Variants in HDAC9 observed in about 807,000 individuals in gnomAD.
The protein encoded by HDAC9 is MEF-2 interacting transcription repressor (MITR) protein.
HDAC9 carries 41 observed loss-of-function variants against 139.4 expected under a neutral mutation model. The observed-to-expected ratio is 0.29, with a 90% CI of 0.23 to 0.38. HDAC9 has a LOEUF of 0.38. Ranked by LOEUF, HDAC9 falls within the 10% of genes least tolerant of loss-of-function variation. The probability of loss-of-function intolerance (pLI) is 1.00; values close to 1 mark genes in which losing one functional copy is unlikely to be tolerated. For synonymous variants in HDAC9, 517 were observed against 476.2 expected (o/e 1.09, Z -1.12); for missense variants, 1,147 against 1,297.0 (o/e 0.88, Z 1.78).
chr7:18,250,674 G>A (rs1467275183), intron 2 of HDAC9, among the ~76,000 whole-genome samples: 1 of 152,108 alleles, frequency 6.6e-6, no homozygotes, highest in African/African-American at 2.4e-5. Flanking sequence ...TTAAATTCTA[G>A]AGTGGTCTTT....
intron 1 of HDAC9, among the ~76,000 whole-genome samples, chr7:18,444,303 C>T (rs1352144396): frequency 7.3e-6 from 1 of 137,876 alleles, no homozygotes; most frequent in Non-Finnish European, 1.5e-5. Context: ...CATGCCAATG[C>T]TGCACTACAG....
At chr7:18,335,212 A>C (rs1585229295) in intron 1 of HDAC9, among the ~76,000 whole-genome samples, 1 of 151,502 alleles carries the variant, frequency 6.6e-6, no homozygotes, top group African/African-American at 2.4e-5. Flanking sequence ...CCTTGAAAAT[A>C]GGAAGAAGTG....
intron 22 of HDAC9, among the ~76,000 whole-genome samples, chr7:18,882,515 T>A (rs555043164): frequency 2.2e-4 from 34 of 152,132 alleles, no homozygotes; most frequent in African/African-American, 7.9e-4. Context: ...CCTTTAATTA[T>A]TAAACTGGAA....
intron 23 of HDAC9, 114 bp downstream of exon 23, chr7:18,936,056 C>G: frequency 1.0e-6 from 1 of 982,188 alleles, no homozygotes; most frequent in Non-Finnish European, 1.5e-6. Context: ...TTGCTCTTAC[C>G]ATTAAGAAAG....
intron 2 of HDAC9, among the ~76,000 whole-genome samples, chr7:18,234,837 T>A (rs552090706): frequency 1.3e-5 from 2 of 152,212 alleles, no homozygotes; most frequent in Admixed American, 1.3e-4. Context: ...TGGTAGCTTC[T>A]GAATTCAGGG....
chr7:18,185,271 AC>A (rs1332816117), intron 2 of HDAC9, among the ~76,000 whole-genome samples: 1 of 152,152 alleles, frequency 6.6e-6, no homozygotes, highest in Non-Finnish European at 1.5e-5. Flanking sequence ...AAAAATGAAA[AC>A]CAAAAGTCTG....
intron 22 of HDAC9, among the ~76,000 whole-genome samples, chr7:18,876,597 A>T (rs952943727): frequency 1.3e-5 from 2 of 152,216 alleles, no homozygotes; most frequent in Non-Finnish European, 2.9e-5. Context: ...ACTGGGGTTA[A>T]AATCAAAGTT....
chr7:18,304,480 G>A (rs2128617512), intron 1 of HDAC9, among the ~76,000 whole-genome samples: 1 of 152,220 alleles, frequency 6.6e-6, no homozygotes, highest in African/African-American at 2.4e-5. Context: ...AAGCATCATG[G>A]AGCCCCTGTT....
intron 1 of HDAC9, among the ~76,000 whole-genome samples, chr7:18,124,586 G>T (rs1784542165): frequency 6.6e-6 from 1 of 152,166 alleles, no homozygotes; most frequent in Admixed American, 6.5e-5. Flanking sequence ...AAAGCTATGG[G>T]CGTTGGTGTA....
chr7:18,497,619 A>C (rs574009945), intron 2 of HDAC9, among the ~76,000 whole-genome samples: 1 of 152,302 alleles, frequency 6.6e-6, no homozygotes, highest in South Asian at 2.1e-4. Flanking sequence ...ATTTCAGTAC[A>C]GTTTATTCTT....
At chr7:18,844,153 A>G (rs1033324844) in intron 21 of HDAC9, among the ~76,000 whole-genome samples, 14 of 152,166 alleles carry the variant, frequency 9.2e-5, no homozygotes, top group African/African-American at 2.9e-4. Flanking sequence ...TAGAAGGGTA[A>G]TGGCTTGTTC....
chr7:18,820,887 G>A (rs1295065412), intron 17 of HDAC9, among the ~76,000 whole-genome samples: 3 of 152,136 alleles, frequency 2.0e-5, no homozygotes, highest in African/African-American at 7.2e-5. Context: ...ATCTCTAAGG[G>A]CATATTATAG....
intron 2 of HDAC9, among the ~76,000 whole-genome samples, chr7:18,582,633 G>T (rs2128788822): frequency 6.6e-6 from 1 of 152,134 alleles, no homozygotes; most frequent in Non-Finnish European, 1.5e-5. Context: ...TCTACCAAAT[G>T]GATGCGACAT....
At chr7:18,460,729 A>G (rs907875847) in intron 1 of HDAC9, among the ~76,000 whole-genome samples, 23 of 148,600 alleles carry the variant, frequency 1.5e-4, no homozygotes, top group Non-Finnish European at 3.0e-4. Context: ...TGGAGGTTGC[A>G]GTGAGCTGAG....
At chr7:18,861,639 AT>A (rs1398326318) in intron 21 of HDAC9, among the ~76,000 whole-genome samples, 2 of 152,182 alleles carry the variant, frequency 1.3e-5, no homozygotes, top group Non-Finnish European at 2.9e-5. Flanking sequence ...ACATTGGGCA[AT>A]ATCTCAGAAT....
At chr7:18,522,669 C>A (rs1753325592) in intron 2 of HDAC9, among the ~76,000 whole-genome samples, 1 of 150,516 alleles carries the variant, frequency 6.6e-6, no homozygotes, top group African/African-American at 2.4e-5. Flanking sequence ...TCTCTTATTT[C>A]TTGTCCTGTC....
intron 1 of HDAC9, among the ~76,000 whole-genome samples, chr7:18,416,795 G>A (rs555068088): frequency 6.6e-6 from 1 of 152,202 alleles, no homozygotes; most frequent in African/African-American, 2.4e-5. Context: ...TGGACCCACT[G>A]TCTCCTTGCC....
chr7:18,945,952 G>A (rs967357224), intron 23 of HDAC9, among the ~76,000 whole-genome samples: 88 of 143,144 alleles, frequency 6.1e-4, no homozygotes, highest in South Asian at 2.3e-4. Flanking sequence ...CTGGAGAATC[G>A]GTTGAACCCA....
chr7:18,183,921 G>A (rs973418739), intron 2 of HDAC9, among the ~76,000 whole-genome samples: 1 of 152,112 alleles, frequency 6.6e-6, no homozygotes, highest in Non-Finnish European at 1.5e-5. Flanking sequence ...TTCTCACAAT[G>A]AGTATGCATA....
Sources: allele counts gnomAD v4.1 joint callset (sites outside exome capture counted in the v4.1 genomes callset), GRCh38; gene constraint gnomAD v4.1.1; transcripts MANE v1.5; gene names NCBI Gene and HGNC (gene_info 2026-07-23, HGNC 2026-07-21).